Variants in TRMT44 observed in about 807,000 individuals in gnomAD.
The protein encoded by TRMT44 is probable tRNA (uracil-O(2)-)-methyltransferase.
A neutral mutation model predicts 77.3 loss-of-function variants in TRMT44; 78 were observed. The observed-to-expected ratio is 1.01, with a 90% CI of 0.84 to 1.22. The LOEUF (loss-of-function observed/expected upper bound fraction) is 1.22. Ranked by LOEUF, TRMT44 falls within the 50% of genes most tolerant of loss-of-function variation. TRMT44 has a pLI of 0.00. For missense variants in TRMT44, 1,090 were observed against 964.4 expected (o/e 1.13, Z -1.73); for synonymous variants, 391 against 383.3 (o/e 1.02, Z -0.23).
chr4:8,442,857 C>G (rs775305504), intron 1 of TRMT44, among the ~76,000 whole-genome samples: 16 of 152,204 alleles, frequency 1.1e-4, no homozygotes, highest in Non-Finnish European at 2.1e-4. Context: ...CCGCCTCCAG[C>G]CAGAGAAAAT....
rs147304556 is a variant in TRMT44, at chr4:8,462,719, A to G, written c.1204-1266A>G. 1.3e-3 allele frequency among the ~76,000 whole-genome samples: 201 copies of G among 152,266 alleles called. 2 individuals carry two copies. Among genetic ancestry groups the G allele is most frequent in the African/African-American group, 4.6e-3 (193 of 41,560 alleles). Reference sequence around the variant, plus strand: ...ACTCCGTCTCAAAAACAACAACAACAAAACAAAACAAAACAAAAAAACTTC... The same window carrying G: ...ACTCCGTCTCAAAAACAACAACAACGAAACAAAACAAAACAAAAAAACTTC... On this transcript the variant is annotated intron_variant, in intron 6 of 10. Coordinates refer to ENST00000389737, the MANE Select transcript of TRMT44 (RefSeq NM_152544.3).
chr4:8,468,324 T>C lies in TRMT44; in HGVS notation c.1905T>C (p.Ser635=). 1 of 1,614,006 alleles carries C rather than the reference T, an allele frequency of 6.2e-7. No individual in the cohort carries two copies. The highest frequency in any genetic ancestry group is 8.5e-7 in the Non-Finnish European group (1 of 1,180,016). ...QLNTRSSRNG[S]LKTWNGGESL... ...ACACAAGAAGTTCTCGAAATGGGAG[T>C]TTGAAGACCTGGAATGGGGGAGGTA... Residue 635 remains serine, a synonymous_variant, in exon 9 of 11, where the codon AGT becomes AGC. Coordinates refer to ENST00000389737, the MANE Select transcript of TRMT44 (RefSeq NM_152544.3).
chr4:8,503,572 T>C, the TRMT44 span, among the ~76,000 whole-genome samples: 36 of 152,316 alleles, frequency 2.4e-4, no homozygotes, highest in African/African-American at 8.4e-4. Flanking sequence ...GTGGAACTCC[T>C]GGGCCACATA....
chr4:8,474,162 C>T (rs1312170439), intron 10 of TRMT44, among the ~76,000 whole-genome samples: 2 of 152,198 alleles, frequency 1.3e-5, no homozygotes, highest in South Asian at 2.1e-4. Context: ...ATTCTCTTGA[C>T]AGGTCAGGGC....
chr4:8,445,880 G>T (rs942639145), intron 1 of TRMT44, among the ~76,000 whole-genome samples: 1 of 152,146 alleles, frequency 6.6e-6, no homozygotes, highest in Non-Finnish European at 1.5e-5. Flanking sequence ...ATTGATTTTA[G>T]AGATAGAACT....
At chr4:8,468,576 C>T (rs1225522319) in intron 9 of TRMT44, 5 of 597,726 alleles carry the variant, frequency 8.4e-6, no homozygotes, top group African/African-American at 7.4e-5. Flanking sequence ...AGAGTTTGGA[C>T]CCTTAATTAA....
In TRMT44 at chr4:8,444,257, G is replaced by A. The variant is rs1175703122; in HGVS notation, c.620-2219G>A. On this transcript the variant is annotated intron_variant, in intron 1 of 10. Transcript: ENST00000389737. The surrounding 1 kb of genome is among the most constrained non-coding windows in gnomAD (Gnocchi z 4.0). The stretch of plus-strand genomic sequence containing the variant: ...AACTCGTGGACATAGAGAGTGGAAG[G>A]ATGGTTACCAGAGGGTGGGAAGGGG... Among the ~76,000 whole-genome samples, 1 of 151,950 alleles carries A rather than the reference G, an allele frequency of 6.6e-6. No homozygotes were observed. Among genetic ancestry groups the A allele is most frequent in the Non-Finnish European group, 1.5e-5 (1 of 67,984 alleles).
intron 10 of TRMT44, 144 bp from the exon 11 acceptor site, chr4:8,475,627 AC>A: frequency 1.4e-6 from 1 of 716,414 alleles, no homozygotes; most frequent in Non-Finnish European, 2.3e-6. Flanking sequence ...ACTCACTGTG[AC>A]CAGCAGGAAC....
chr4:8,487,326 T>C (rs866166939), intron 2 of TRMT44, among the ~76,000 whole-genome samples: 1 of 151,408 alleles, frequency 6.6e-6, no homozygotes, highest in Non-Finnish European at 1.5e-5. Context: ...TTGCCCGTAG[T>C]GAAGGAGGAA....
Position 8,454,799 on chromosome 4 carries a change from C to G in TRMT44, c.1189C>G (p.Gln397Glu), listed in dbSNP as rs1238429325. 1 of 1,614,204 alleles carries G rather than the reference C, an allele frequency of 6.2e-7. No individual in the cohort carries two copies. The highest frequency in any genetic ancestry group is 1.1e-5 in the South Asian group (1 of 91,086). Reference protein sequence around the residue: ...RRKIWDMYGPQTQLEEDAITP... With the variant: ...RRKIWDMYGPETQLEEDAITP... ...AAAAATCTGGGACATGTATGGACCA[C>G]AAACTCAGTTAGAGGTACCGTCTTT... Residue 397 changes from glutamine to glutamate, a missense_variant, in exon 6 of 11, where the codon CAA becomes GAA. By Grantham distance (29) the Gln-to-Glu change is conservative. Coordinates refer to ENST00000389737, the MANE Select transcript of TRMT44 (RefSeq NM_152544.3).
chr4:8,475,669 C>T (rs184956159), intron 10 of TRMT44, 103 bp from the exon 11 acceptor site: 4 of 1,062,942 alleles, frequency 3.8e-6, no homozygotes, highest in Non-Finnish European at 5.6e-6. Flanking sequence ...TATCCCTGAC[C>T]CTGGATTGGC....
At chr4:8,471,059 A>G (rs539265947) in intron 9 of TRMT44, 25 bp from the exon 10 acceptor site, 293 of 1,362,532 alleles carry the variant, frequency 2.2e-4, no homozygotes, top group Middle Eastern at 7.8e-4. Flanking sequence ...TGTTTTGGGG[A>G]AAAAAAAAAC....
chr4:8,456,059 T>C (rs1453435356), intron 6 of TRMT44, among the ~76,000 whole-genome samples: 2 of 152,210 alleles, frequency 1.3e-5, no homozygotes, highest in African/African-American at 2.4e-5. Context: ...TATCAAAACT[T>C]ACACAAACCC....
At chr4:8,490,535 C>T (rs575935987) in intron 2 of TRMT44, among the ~76,000 whole-genome samples, 1 of 152,024 alleles carries the variant, frequency 6.6e-6, no homozygotes, top group Non-Finnish European at 1.5e-5. Flanking sequence ...AGCCGCAGAC[C>T]TTCGCGGTGA....
At chr4:8,447,149 T>A (rs1386000935) in intron 2 of TRMT44, among the ~76,000 whole-genome samples, 3 of 152,196 alleles carry the variant, frequency 2.0e-5, no homozygotes, top group African/African-American at 7.2e-5. Flanking sequence ...GTGCTGAGAT[T>A]TCAGGCATGA....
At chr4:8,454,880 T>C (rs372078937) in intron 6 of TRMT44, 67 bp downstream of exon 6, 2 of 1,412,828 alleles carry the variant, frequency 1.4e-6, no homozygotes, top group Non-Finnish European at 2.0e-6. Flanking sequence ...ATTGCTGTAA[T>C]GAATGTGTCT....
In TRMT44 at chr4:8,441,158, A is replaced by G; in HGVS notation, c.336A>G (p.Ala112=). 6.5e-7 allele frequency: 1 copy of G among 1,527,994 alleles called. No individual in the cohort carries two copies. Among genetic ancestry groups the G allele is most frequent in the Non-Finnish European group, 8.8e-7 (1 of 1,141,238 alleles). 94.7% of individuals were successfully genotyped at this position (1,527,994 alleles called of 1,614,324 possible). The change falls in exon 1 of 11, where the codon GCA becomes GCG. Residue 112 remains alanine, a synonymous_variant. Transcript: ENST00000389737. ...AGGGCCAGTGCCAGCAAGAGGAGGCACAGAGGGAAGCCGCCTCAGTGCCCC... is the reference window on the plus strand; with the variant it reads ...AGGGCCAGTGCCAGCAAGAGGAGGCGCAGAGGGAAGCCGCCTCAGTGCCCC... The part of the protein sequence containing the change: ...EAQGQCQQEE[A]QREAASVPLR...
chr4:8,457,855 A>G (rs1725902309), intron 6 of TRMT44, among the ~76,000 whole-genome samples: 1 of 152,248 alleles, frequency 6.6e-6, no homozygotes, highest in Non-Finnish European at 1.5e-5. Flanking sequence ...GATTTACAAC[A>G]GAGCCAGTCA....
At chr4:8,486,573 C>A (rs1727811417) in intron 2 of TRMT44, among the ~76,000 whole-genome samples, 1 of 149,634 alleles carries the variant, frequency 6.7e-6, no homozygotes, top group Non-Finnish European at 1.5e-5. Context: ...GAATAGACGG[C>A]CTTCTGACTT....
Sources: allele counts gnomAD v4.1 joint callset (sites outside exome capture counted in the v4.1 genomes callset), GRCh38; gene constraint gnomAD v4.1.1; non-coding constraint Gnocchi (gnomAD v3.1); transcripts MANE v1.5; gene names NCBI Gene and HGNC (gene_info 2026-07-23, HGNC 2026-07-21).